AGBL1: variants seen among roughly 807,000 people sequenced by gnomAD.
The protein encoded by AGBL1 is AGBL carboxypeptidase 1.
In AGBL1, 130 loss-of-function variants were observed where a neutral mutation model predicts 118.9. The ratio of observed to expected loss-of-function variants is 1.09; its 90% CI spans 0.95 to 1.26. The LOEUF (loss-of-function observed/expected upper bound fraction) is 1.26, where lower values mean the gene tolerates loss of function less well. Ranked by LOEUF, AGBL1 falls within the 50% of genes most tolerant of loss-of-function variation. AGBL1 has a pLI of 0.00. For synonymous variants in AGBL1, 555 were observed against 478.9 expected, an observed-to-expected ratio of 1.16 and a Z score of -2.08; for missense variants, 1,584 against 1,298.1, an observed-to-expected ratio of 1.22 and a Z score of -3.38.
intron 18 of AGBL1, among the ~76,000 whole-genome samples, chr15:86,485,829 A>G (rs914742242): frequency 6.6e-6 from 1 of 152,150 alleles, no homozygotes; most frequent in Non-Finnish European, 1.5e-5. Flanking sequence ...GGTGGCCTGC[A>G]GAAATACCCT....
intron 21 of AGBL1, among the ~76,000 whole-genome samples, chr15:86,645,789 G>GT (rs1233101787): frequency 1.3e-5 from 2 of 152,104 alleles, no homozygotes; most frequent in African/African-American, 4.8e-5. Flanking sequence ...TACAATCTTG[G>GT]TTTTCTAATT....
chr15:86,667,469 T>C (rs2085667726), intron 21 of AGBL1, among the ~76,000 whole-genome samples: 1 of 152,170 alleles, frequency 6.6e-6, no homozygotes, highest in South Asian at 2.1e-4. Flanking sequence ...TGAGGTGCAA[T>C]ACTTTCTCTT....
chr15:86,650,326 C>T (rs547171970), intron 21 of AGBL1, among the ~76,000 whole-genome samples: 3 of 152,214 alleles, frequency 2.0e-5, no homozygotes, highest in Admixed American at 2.0e-4. Flanking sequence ...GTGTTTCAGC[C>T]ATCAGTCATC....
intron 17 of AGBL1, among the ~76,000 whole-genome samples, chr15:86,362,273 T>C (rs984941038): frequency 2.6e-5 from 4 of 152,252 alleles, no homozygotes; most frequent in African/African-American, 9.6e-5. Context: ...TTATTATATC[T>C]AGTTATTTTT....
intron 23 of AGBL1, among the ~76,000 whole-genome samples, chr15:86,924,131 A>G (rs1199222319): frequency 6.6e-6 from 1 of 152,260 alleles, no homozygotes; most frequent in Non-Finnish European, 1.5e-5. Flanking sequence ...TCACAGATGC[A>G]CATGTATGCA....
intron 17 of AGBL1, among the ~76,000 whole-genome samples, chr15:86,327,803 G>A (rs1202025838): frequency 6.6e-6 from 1 of 152,108 alleles, no homozygotes; most frequent in African/African-American, 2.4e-5. Flanking sequence ...ACTTGCTGAT[G>A]GAAAAAGCAC....
chr15:86,225,027 C>T, intron 6 of AGBL1, 76 bp downstream of exon 6: 3 of 1,324,222 alleles, frequency 2.3e-6, no homozygotes, highest in South Asian at 1.3e-5. Context: ...GTCCCCATGG[C>T]TGTTTCTTTT....
chr15:86,938,921 G>T (rs1232968544), intron 23 of AGBL1: 1 of 152,228 alleles, frequency 6.6e-6, no homozygotes, highest in Non-Finnish European at 1.5e-5. Context: ...GGACCTTGCA[G>T]CATCAATCAG....
chr15:86,292,422 C>A (rs2079562126), intron 16 of AGBL1, among the ~76,000 whole-genome samples: 1 of 152,128 alleles, frequency 6.6e-6, no homozygotes, highest in Non-Finnish European at 1.5e-5. Flanking sequence ...AGGAATGCAG[C>A]CCTACTGACA....
At chr15:86,560,944 A>G (rs1230646359) in intron 21 of AGBL1, among the ~76,000 whole-genome samples, 2 of 152,204 alleles carry the variant, frequency 1.3e-5, no homozygotes, top group Admixed American at 6.5e-5. Flanking sequence ...TCTTCTTTTG[A>G]GAAGTGTCTG....
intron 23 of AGBL1, among the ~76,000 whole-genome samples, chr15:86,974,747 T>G (rs2081155741): frequency 6.6e-6 from 1 of 151,134 alleles, no homozygotes. Context: ...TGACTATCAG[T>G]TTTTGAATTT....
chr15:86,761,090 G>A (rs1008799372), intron 22 of AGBL1, among the ~76,000 whole-genome samples: 1 of 152,020 alleles, frequency 6.6e-6, no homozygotes, highest in Non-Finnish European at 1.5e-5. Context: ...GGGATTTTAG[G>A]AGCCTCTTCC....
chr15:86,808,996 T>C (rs776661585), intron 22 of AGBL1, among the ~76,000 whole-genome samples: 2 of 152,202 alleles, frequency 1.3e-5, no homozygotes, highest in Non-Finnish European at 2.9e-5. Context: ...CATAACCCTA[T>C]GGTTTCTTTC....
rs1387007505 is a variant in AGBL1, at chr15:86,554,355, C to T, written c.2818-6C>T. The T allele has an allele frequency of 6.4e-7, 1 of 1,566,228 alleles. No homozygotes were observed. The highest frequency in any genetic ancestry group is 8.7e-7 in the Non-Finnish European group (1 of 1,155,264). ...AATCATCGTTTGATTTTTGTTTTTA[C>T]TGTAGACTCTTCCCAAAATCCTTGA... is the stretch of plus-strand genomic sequence containing the variant. On this transcript the variant is annotated splice_region_variant and splice_polypyrimidine_tract_variant and intron_variant, in intron 20 of 22. Coordinates refer to ENST00000614907, the MANE Select transcript of AGBL1 (RefSeq NM_001386094.1).
chr15:86,995,102 A>C (rs1353033937), intron 24 of AGBL1, among the ~76,000 whole-genome samples: 1 of 152,138 alleles, frequency 6.6e-6, no homozygotes, highest in East Asian at 1.9e-4. Flanking sequence ...AAATAAGGGT[A>C]CTGGGCTGGG....
chr15:86,946,740 G>A (rs562356827), intron 23 of AGBL1, among the ~76,000 whole-genome samples: 3 of 151,384 alleles, frequency 2.0e-5, no homozygotes, highest in Non-Finnish European at 2.9e-5. Flanking sequence ...TCAGCTACTC[G>A]GGAGGCTGAG....
rs150482917 is a variant in AGBL1, at chr15:86,514,638, T to C, written c.2556-8172T>C. ...TTAACTTGGTTCTAAAAGTTGAAAT[T>C]AGACAAAAATATATGCTCAGGGAAA... is the stretch of plus-strand genomic sequence containing the variant. On this transcript the variant is annotated intron_variant, in intron 18 of 22. Transcript: ENST00000614907. 9.2e-5 allele frequency among the ~76,000 whole-genome samples: 14 copies of C among 152,252 alleles called. No individual in the cohort carries two copies. The East Asian group carries it at 2.7e-3, about 29-fold the overall frequency.
At chr15:86,839,370 G>A (rs16978024) in intron 22 of AGBL1, among the ~76,000 whole-genome samples, 5,101 of 152,206 alleles carry the variant, frequency 0.034, 281 homozygotes, top group African/African-American at 0.11. Context: ...TATTCTTACT[G>A]CTCTCTGCCA....
At chr15:86,831,345 G>A (rs778182257) in intron 22 of AGBL1, among the ~76,000 whole-genome samples, 5 of 152,060 alleles carry the variant, frequency 3.3e-5, no homozygotes, top group African/African-American at 4.8e-5. Flanking sequence ...ACTTATTTTA[G>A]CATTAACTCA....
Sources: gnomAD v4.1 joint callset for allele counts (sites outside exome capture counted in the v4.1 genomes callset) on GRCh38, gnomAD v4.1.1 for gene constraint, MANE v1.5 for transcripts, NCBI Gene and HGNC (gene_info 2026-07-23, HGNC 2026-07-21) for gene names.